The following RBFOX1 variants were observed in gnomAD, a reference collection of about 807,000 sequenced individuals.
The protein encoded by RBFOX1 is RNA binding protein fox-1 homolog 1.
In RBFOX1, 8 loss-of-function variants were observed where a neutral mutation model predicts 57.7. The ratio of observed to expected loss-of-function variants is 0.14; its 90% CI spans 0.08 to 0.25. The LOEUF is 0.25. Among genes scored for constraint, RBFOX1 ranks in the 10% least tolerant of loss-of-function variants. The pLI is 1.00. For synonymous variants in RBFOX1, 326 were observed against 222.4 expected (o/e 1.47, Z -4.15); for missense variants, 611 against 548.5 (o/e 1.11, Z -1.14).
intron 1 of RBFOX1, among the ~76,000 whole-genome samples, chr16:5,346,510 G>A (rs1051998499): frequency 2.0e-5 from 3 of 152,278 alleles, no homozygotes; most frequent in African/African-American, 4.8e-5. Context: ...AGAGAGAACC[G>A]CAAGAGCAAA....
At chr16:5,720,878 T>G (rs1189257175) in intron 3 of RBFOX1, among the ~76,000 whole-genome samples, 1 of 152,210 alleles carries the variant, frequency 6.6e-6, no homozygotes, top group Non-Finnish European at 1.5e-5. Flanking sequence ...TCTCCAACTT[T>G]GTTCTTAGTT....
chr16:6,143,296 A>G (rs2096732975), intron 1 of RBFOX1, among the ~76,000 whole-genome samples: 1 of 152,232 alleles, frequency 6.6e-6, no homozygotes, highest in Non-Finnish European at 1.5e-5. Context: ...TGTTTTAATG[A>G]AAACATATTC....
chr16:5,763,546 G>C (rs989052884), intron 3 of RBFOX1, among the ~76,000 whole-genome samples: 1 of 152,234 alleles, frequency 6.6e-6, no homozygotes, highest in African/African-American at 2.4e-5. Flanking sequence ...TTTTCACCGA[G>C]TAAATTGCTG....
rs186447727 is a variant in RBFOX1, at chr16:6,258,853, C to G, written c.-126-58142C>G. The stretch of plus-strand genomic sequence containing the variant: ...ATTATTATTCATTTCATGCCTGTAT[C>G]AAAACATCTCATGTACCCCATAAAG... On this transcript the variant is annotated intron_variant, in intron 1 of 15. Coordinates refer to ENST00000550418, the MANE Select transcript of RBFOX1 (RefSeq NM_018723.4). Among the ~76,000 whole-genome samples the G allele has an allele frequency of 1.4e-3, 207 of 152,184 alleles. 1 individual carries two copies. Among genetic ancestry groups the G allele is most frequent in the African/African-American group, 4.1e-3 (170 of 41,512 alleles).
At chr16:5,661,587 C>T (rs762676062) in intron 3 of RBFOX1, among the ~76,000 whole-genome samples, 12 of 152,136 alleles carry the variant, frequency 7.9e-5, no homozygotes, top group Non-Finnish European at 1.2e-4. Flanking sequence ...TTAAGGTATA[C>T]GGTGTAATGA....
At chr16:7,395,600 T>C (rs377626179) in intron 4 of RBFOX1, among the ~76,000 whole-genome samples, 3 of 152,162 alleles carry the variant, frequency 2.0e-5, no homozygotes, top group Admixed American at 6.5e-5. Flanking sequence ...GCTTATTACC[T>C]TTGTTGTGGG....
intron 4 of RBFOX1, among the ~76,000 whole-genome samples, chr16:5,925,375 A>G (rs927227124): frequency 1.3e-5 from 2 of 152,030 alleles, no homozygotes; most frequent in Non-Finnish European, 2.9e-5. Context: ...AACCTTGAAA[A>G]TACCATACTT....
rs188039337 is a variant in RBFOX1, at chr16:7,135,669, C to T, written c.27+83571C>T. On this transcript the variant is annotated intron_variant, in intron 4 of 15. Coordinates refer to ENST00000550418, the MANE Select transcript of RBFOX1 (RefSeq NM_018723.4). Reference sequence around the variant, plus strand: ...TCCCTGAAGAATATTGAGGATTAATCGTCTGGTTCATTCCAACAAGAGATA... The same window carrying T: ...TCCCTGAAGAATATTGAGGATTAATTGTCTGGTTCATTCCAACAAGAGATA... 2.0e-5 allele frequency among the ~76,000 whole-genome samples: 3 copies of T among 152,336 alleles called. No individual in the cohort carries two copies. In the East Asian group the frequency reaches 5.8e-4, roughly 29 times the overall value.
chr16:6,689,300 A>T (rs2059885079), intron 3 of RBFOX1, among the ~76,000 whole-genome samples: 1 of 152,152 alleles, frequency 6.6e-6, no homozygotes, highest in South Asian at 2.1e-4. Flanking sequence ...AATTCACATG[A>T]AGTGATAGAA....
chr16:6,060,548 G>A (rs749747683), intron 1 of RBFOX1, among the ~76,000 whole-genome samples: 7 of 152,146 alleles, frequency 4.6e-5, no homozygotes, highest in Non-Finnish European at 7.3e-5. Flanking sequence ...CTCTACGTCA[G>A]CAGTTCCATA....
intron 4 of RBFOX1, among the ~76,000 whole-genome samples, chr16:5,868,463 C>CT (rs1242519619): frequency 6.6e-6 from 1 of 152,210 alleles, no homozygotes; most frequent in Admixed American, 6.5e-5. Flanking sequence ...TTTGATCCAT[C>CT]ACACAGTCGT....
chr16:7,553,746 T>C (rs186660499), intron 5 of RBFOX1, among the ~76,000 whole-genome samples: 53 of 152,326 alleles, frequency 3.5e-4, no homozygotes, highest in African/African-American at 1.2e-3. Context: ...ACTCAGTCCA[T>C]ATGTTAGGGT....
At chr16:7,103,895 T>C (rs1258704748) in intron 4 of RBFOX1, among the ~76,000 whole-genome samples, 5 of 152,174 alleles carry the variant, frequency 3.3e-5, no homozygotes, top group African/African-American at 1.2e-4. Flanking sequence ...CAAACAGATG[T>C]TTCTGTTGTT....
chr16:7,230,075 AGGGAGGGGAAGGAAAGGG>A (rs1204792974), intron 4 of RBFOX1, among the ~76,000 whole-genome samples: 1 of 74,856 alleles, frequency 1.3e-5, no homozygotes, highest in South Asian at 5.6e-4. Flanking sequence ...GAAGGAAGGG[AGGGAGGGGAAGGAAAGGG>A]GAGGGAAAGA....
intron 5 of RBFOX1, among the ~76,000 whole-genome samples, chr16:7,577,066 C>T (rs1219165370): frequency 6.6e-6 from 1 of 152,230 alleles, no homozygotes; most frequent in African/African-American, 2.4e-5. Flanking sequence ...TTCAGTGTTA[C>T]AGTGTTGCTC....
intron 3 of RBFOX1, among the ~76,000 whole-genome samples, chr16:6,795,781 A>AG (rs944277157): frequency 6.7e-6 from 1 of 148,858 alleles, no homozygotes; most frequent in African/African-American, 2.6e-5. Context: ...AAAAAATGAA[A>AG]AAAAAAAAAA....
At chr16:5,392,133 A>G (rs953761853) in intron 1 of RBFOX1, among the ~76,000 whole-genome samples, 2 of 152,006 alleles carry the variant, frequency 1.3e-5, no homozygotes, top group Non-Finnish European at 2.9e-5. Flanking sequence ...ACTCAGGGGG[A>G]AAGGATGGGA....
chr16:5,943,897 C>G (rs1394504312), intron 4 of RBFOX1, among the ~76,000 whole-genome samples: 1 of 151,874 alleles, frequency 6.6e-6, no homozygotes, highest in East Asian at 1.9e-4. Flanking sequence ...AGCCATTCAT[C>G]TACTCATCCA....
At chr16:7,144,758 C>G (rs552901000) in intron 4 of RBFOX1, among the ~76,000 whole-genome samples, 1 of 152,058 alleles carries the variant, frequency 6.6e-6, no homozygotes, top group African/African-American at 2.4e-5. Context: ...AAATGTTTTC[C>G]TGCATCACTA....
Sources: gnomAD v4.1 joint callset for allele counts (sites outside exome capture counted in the v4.1 genomes callset) on GRCh38, gnomAD v4.1.1 for gene constraint, MANE v1.5 for transcripts, NCBI Gene and HGNC (gene_info 2026-07-23, HGNC 2026-07-21) for gene names.